The following MEGF6 variants were observed in gnomAD, a reference collection of about 807,000 sequenced individuals.
The protein encoded by MEGF6 is multiple epidermal growth factor-like domains protein 6.
MEGF6 carries 184 observed loss-of-function variants against 207.1 expected under a neutral mutation model. The ratio of observed to expected loss-of-function variants is 0.89; its 90% CI spans 0.79 to 1.00. The LOEUF (loss-of-function observed/expected upper bound fraction) is 1.00, where lower values mean the gene tolerates loss of function less well. MEGF6 is among the 50% of genes least tolerant of loss of function. MEGF6 has a pLI of 0.00. For synonymous variants in MEGF6, 1,038 were observed against 910.0 expected (o/e 1.14, Z -2.53); for missense variants, 2,282 against 2,202.9 (o/e 1.04, Z -0.72).
intron 4 of MEGF6, among the ~76,000 whole-genome samples, chr1:3,543,146 A>T (rs1212568067): frequency 2.0e-5 from 3 of 152,164 alleles, no homozygotes; most frequent in Non-Finnish European, 4.4e-5. Flanking sequence ...AACATGACAA[A>T]CACACTGGCC....
chr1:3,497,682 G>A (rs1156397013), intron 26 of MEGF6: 3 of 517,242 alleles, frequency 5.8e-6, no homozygotes, highest in Admixed American at 5.4e-5. Context: ...CCCCATGGAA[G>A]GCGAAGGAGC....
chr1:3,586,841 T>A (rs1010933054), intron 3 of MEGF6, among the ~76,000 whole-genome samples: 1 of 152,160 alleles, frequency 6.6e-6, no homozygotes, highest in African/African-American at 2.4e-5. Flanking sequence ...CCCGCCGGCC[T>A]GATGGTCCAA....
intron 4 of MEGF6, among the ~76,000 whole-genome samples, chr1:3,543,868 G>A (rs978356402): frequency 2.6e-5 from 4 of 152,210 alleles, no homozygotes; most frequent in Non-Finnish European, 5.9e-5. Context: ...TCATGGAGTT[G>A]ACATTCCAGA....
intron 4 of MEGF6, 113 bp from the exon 5 acceptor site, chr1:3,524,359 G>C: frequency 7.1e-7 from 1 of 1,399,390 alleles, no homozygotes; most frequent in Non-Finnish European, 9.8e-7. Flanking sequence ...TGCCTCGAGG[G>C]CACCACCCAT....
chr1:3,558,279 C>T (rs751043957), intron 4 of MEGF6, among the ~76,000 whole-genome samples: 2 of 152,178 alleles, frequency 1.3e-5, no homozygotes, highest in East Asian at 3.9e-4. Context: ...CCCACTCCAC[C>T]AACTGGTCAT....
chr1:3,545,794 C>T (rs927551529), intron 4 of MEGF6, among the ~76,000 whole-genome samples: 10 of 152,242 alleles, frequency 6.6e-5, no homozygotes, highest in Admixed American at 2.0e-4. Flanking sequence ...CCAGGCTCCG[C>T]GGGTCACAGA....
At chr1:3,538,695 C>CGTGTGTGTGTGTGTGTGTGT (rs1330145759) in intron 4 of MEGF6, among the ~76,000 whole-genome samples, 1 of 95,548 alleles carries the variant, frequency 1.0e-5, no homozygotes, top group East Asian at 3.6e-4. Context: ...AGAGCATGTG[C>CGTGTGTGTGTGTGTGTGTGT]CTGTGTGTGT....
chr1:3,570,168 G>A (rs991517189), intron 4 of MEGF6, among the ~76,000 whole-genome samples: 2 of 152,160 alleles, frequency 1.3e-5, no homozygotes, highest in African/African-American at 4.8e-5. Context: ...GGCCACACCT[G>A]TCCCAGCCGA....
At chr1:3,547,316 G>A (rs1461989155) in intron 4 of MEGF6, among the ~76,000 whole-genome samples, 2 of 152,180 alleles carry the variant, frequency 1.3e-5, no homozygotes, top group Non-Finnish European at 2.9e-5. Context: ...ACTGCAGAAC[G>A]GGTCCCTCCC....
At chr1:3,509,285 C>G (rs554946781) in intron 11 of MEGF6, 40 bp from the exon 12 acceptor site, 18 of 1,389,762 alleles carry the variant, frequency 1.3e-5, no homozygotes. Context: ...CTGCCACCCA[C>G]CTGCCTGCTC....
intron 1 of MEGF6, among the ~76,000 whole-genome samples, chr1:3,607,800 C>T (rs1570253593): frequency 6.6e-6 from 1 of 152,250 alleles, no homozygotes; most frequent in East Asian, 1.9e-4. Flanking sequence ...AGGCGGAATG[C>T]TCCCAGCTGG....
intron 4 of MEGF6, among the ~76,000 whole-genome samples, chr1:3,529,875 G>A (rs1355910533): frequency 2.0e-5 from 3 of 152,266 alleles, no homozygotes; most frequent in Admixed American, 1.3e-4. Context: ...GGAGGGCTCT[G>A]GGCCCCTGCC....
At chr1:3,612,422 G>A (rs536669517), upstream of MEGF6, among the ~76,000 whole-genome samples, 3 of 152,228 alleles carry the variant, frequency 2.0e-5, no homozygotes. Flanking sequence ...GTTTGAAATT[G>A]ACTCCAGGGG....
intron 6 of MEGF6, among the ~76,000 whole-genome samples, 167 bp from the exon 7 acceptor site, chr1:3,514,839 C>G (rs968051843): frequency 1.3e-5 from 2 of 152,160 alleles, no homozygotes; most frequent in African/African-American, 4.8e-5. Flanking sequence ...TGCGGGAAGC[C>G]CCCAAGACGC....
rs761152114 is a variant in MEGF6, at chr1:3,595,437, A to G, written c.277T>C (p.Tyr93His). The G allele has an allele frequency of 2.0e-5, 32 of 1,612,280 alleles. No individual in the cohort carries two copies. Among genetic ancestry groups the G allele is most frequent in the Non-Finnish European group, 2.5e-5 (30 of 1,179,690 alleles). The stretch of plus-strand genomic sequence containing the variant: ...GTATACACCTGCCTGTAGCCCATGT[A>G]GTAGACGGTTCTAGAAAGAAAGAGA... ...CVGHERRTVYYMGYRQVYTTE... is the reference protein window; with the variant it reads ...CVGHERRTVYHMGYRQVYTTE... Residue 93 changes from tyrosine to histidine, a missense_variant, in exon 3 of 37, where the codon TAC becomes CAC. Coordinates refer to ENST00000356575, the MANE Select transcript of MEGF6 (RefSeq NM_001409.4).
intron 3 of MEGF6, among the ~76,000 whole-genome samples, chr1:3,581,619 G>A (rs538082201): frequency 6.6e-6 from 1 of 152,298 alleles, no homozygotes; most frequent in South Asian, 2.1e-4. Flanking sequence ...CCCACCATGA[G>A]GAAGGTTTTA....
chr1:3,618,234 T>G, the MEGF6 span, among the ~76,000 whole-genome samples: 3 of 152,294 alleles, frequency 2.0e-5, no homozygotes, highest in East Asian at 5.8e-4. This position sits in a 1 kb window ranked among gnomAD's most constrained non-coding sequence, Gnocchi z 4.7. Context: ...GGCCGCACCC[T>G]GCCTGCCACG....
At chr1:3,615,770 G>A (rs906701126), upstream of MEGF6, among the ~76,000 whole-genome samples, 3 of 152,144 alleles carry the variant, frequency 2.0e-5, no homozygotes, top group East Asian at 5.8e-4. Flanking sequence ...TATCCAGTGG[G>A]CTCAGCTCTC....
chr1:3,494,782 G>C, intron 30 of MEGF6, 41 bp from the exon 31 acceptor site: 11 of 1,510,220 alleles, frequency 7.3e-6, no homozygotes, highest in Non-Finnish European at 9.8e-6. Context: ...CTCTGGCCGA[G>C]GGCTGGGCTC....
Sources: gnomAD v4.1 joint callset for allele counts (sites outside exome capture counted in the v4.1 genomes callset) on GRCh38, gnomAD v4.1.1 for gene constraint, Gnocchi (gnomAD v3.1) non-coding constraint, MANE v1.5 for transcripts, NCBI Gene and HGNC (gene_info 2026-07-23, HGNC 2026-07-21) for gene names.